ZNF438: variants seen among roughly 807,000 people sequenced by gnomAD.
The protein encoded by ZNF438 is zinc finger protein 438.
Under a neutral mutation model 38.0 loss-of-function variants are expected in ZNF438, and 25 were observed. The ratio of observed to expected loss-of-function variants is 0.66; its 90% CI spans 0.48 to 0.92. The LOEUF (loss-of-function observed/expected upper bound fraction) is 0.92. Ranked by LOEUF, ZNF438 falls within the 40% of genes least tolerant of loss-of-function variation. The probability of loss-of-function intolerance (pLI) is 0.00; values close to 1 mark genes in which losing one functional copy is unlikely to be tolerated. For missense variants in ZNF438, 1,007 were observed against 999.6 expected (o/e 1.01, Z -0.10); for synonymous variants, 372 against 364.1 (o/e 1.02, Z -0.25).
chr10:30,952,314 G>A (rs951156858), intron 1 of ZNF438, among the ~76,000 whole-genome samples: 1 of 149,802 alleles, frequency 6.7e-6, no homozygotes, highest in African/African-American at 2.4e-5. Context: ...GAAAACCTAG[G>A]CATTACCATT....
chr10:31,022,796 C>A (rs1360054355), intron 1 of ZNF438, among the ~76,000 whole-genome samples: 1 of 152,146 alleles, frequency 6.6e-6, no homozygotes, highest in East Asian at 1.9e-4. Context: ...TCTTGTCAAC[C>A]ACCACTTCTT....
intron 3 of ZNF438, 123 bp downstream of exon 4, chr10:30,908,810 C>G (rs1318789307): frequency 1.3e-5 from 2 of 152,178 alleles, no homozygotes; most frequent in Non-Finnish European, 2.9e-5. Context: ...TAAGAAACTT[C>G]TCTTACAAAA....
intron 2 of ZNF438, chr10:30,923,423 CATA>C (rs2044549586): frequency 6.6e-6 from 1 of 152,160 alleles, no homozygotes; most frequent in Admixed American, 6.5e-5. Context: ...CTTCTAAATG[CATA>C]ATTTTAGATT....
At chr10:30,887,348 C>A (rs985809787) in intron 3 of ZNF438, among the ~76,000 whole-genome samples, 3 of 152,168 alleles carry the variant, frequency 2.0e-5, no homozygotes, top group African/African-American at 4.8e-5. Flanking sequence ...GTATGCTGCG[C>A]CCCCTCCTCT....
chr10:30,957,927 G>C lies in ZNF438; in HGVS notation c.-191-16276C>G, dbSNP rs1384583222. On this transcript the variant is annotated intron_variant, in intron 1 of 5. Coordinates refer to ENST00000413025, the Ensembl canonical transcript of ZNF438. Reference sequence around the variant, plus strand: ...TTCTATTCCATTATGATTTGGTCTTGGTAGGCTGTATGACCTTTGACCTTC... The same window carrying C: ...TTCTATTCCATTATGATTTGGTCTTCGTAGGCTGTATGACCTTTGACCTTC... Among the ~76,000 whole-genome samples, 3 of 147,028 alleles carry C rather than the reference G, an allele frequency of 2.0e-5. 1 individual carries two copies. Among genetic ancestry groups the C allele is most frequent in the Non-Finnish European group, 4.6e-5 (3 of 64,884 alleles).
At chr10:30,990,848 G>C (rs2053409446) in intron 1 of ZNF438, among the ~76,000 whole-genome samples, 1 of 151,076 alleles carries the variant, frequency 6.6e-6, no homozygotes, top group African/African-American at 2.5e-5. Flanking sequence ...GATTAAGAGA[G>C]ATTGAAGATA....
At chr10:30,912,329 T>G (rs111376536) in intron 2 of ZNF438, among the ~76,000 whole-genome samples, 2,389 of 152,204 alleles carry the variant, frequency 0.016, 62 homozygotes, top group African/African-American at 0.054. Flanking sequence ...AAAACCACCA[T>G]TGTTCATTAT....
chr10:30,933,283 C>G (rs2045889474), intron 2 of ZNF438, among the ~76,000 whole-genome samples: 1 of 152,210 alleles, frequency 6.6e-6, no homozygotes, highest in Admixed American at 6.5e-5. Context: ...AGCCTCCCAT[C>G]TAATAGAGGC....
At chr10:30,899,293 T>C (rs538710869) in intron 3 of ZNF438, among the ~76,000 whole-genome samples, 1 of 152,194 alleles carries the variant, frequency 6.6e-6, no homozygotes, top group Non-Finnish European at 1.5e-5. Context: ...AAATAAAGAT[T>C]ATATAACTAA....
At chr10:30,936,243 C>A (rs540599135) in intron 2 of ZNF438, among the ~76,000 whole-genome samples, 5 of 152,304 alleles carry the variant, frequency 3.3e-5, no homozygotes, top group African/African-American at 1.2e-4. Flanking sequence ...ATGTAAAGAA[C>A]ATGGCACAAA....
At chr10:30,908,496 G>A (rs1333593302) in intron 3 of ZNF438, among the ~76,000 whole-genome samples, 1 of 152,126 alleles carries the variant, frequency 6.6e-6, no homozygotes, top group Non-Finnish European at 1.5e-5. Flanking sequence ...AATGGTAGGA[G>A]GTATGCACAG....
At chr10:30,938,858 G>A (rs911159888) in intron 2 of ZNF438, among the ~76,000 whole-genome samples, 2 of 151,836 alleles carry the variant, frequency 1.3e-5, no homozygotes, top group African/African-American at 2.4e-5. Context: ...GCAGTGGCAC[G>A]ATCTTGGCTC....
At chr10:30,865,643 A>G (rs928663605) in intron 4 of ZNF438, among the ~76,000 whole-genome samples, 1 of 152,208 alleles carries the variant, frequency 6.6e-6, no homozygotes, top group Admixed American at 6.5e-5. Context: ...ACTAAACTTG[A>G]TAATATATCA....
At chr10:30,849,281 A>C in exon 5 of ZNF438, 1 of 1,613,840 alleles carries the variant, frequency 6.2e-7, no homozygotes, top group Non-Finnish European at 8.5e-7. Context: ...TCCACTGTTC[A>C]GTTTTGTTTT....
At chr10:30,962,564 C>T (rs550293338) in intron 1 of ZNF438, among the ~76,000 whole-genome samples, 1 of 147,616 alleles carries the variant, frequency 6.8e-6, no homozygotes, top group East Asian at 1.9e-4. Flanking sequence ...TACCAATATA[C>T]ACTACGTAAT....
At chr10:30,971,609 T>A (rs561895959) in intron 1 of ZNF438, among the ~76,000 whole-genome samples, 2 of 152,290 alleles carry the variant, frequency 1.3e-5, no homozygotes, top group Non-Finnish European at 2.9e-5. Flanking sequence ...TTTCTTCAAT[T>A]CCATAGTTGA....
At chr10:31,017,749 T>G (rs2056307583) in intron 1 of ZNF438, among the ~76,000 whole-genome samples, 1 of 152,236 alleles carries the variant, frequency 6.6e-6, no homozygotes, top group Admixed American at 6.5e-5. Context: ...ACAGGCCATG[T>G]GACTTGAGAT....
At chr10:30,930,024 C>T (rs190863045) in intron 2 of ZNF438, among the ~76,000 whole-genome samples, 12 of 152,350 alleles carry the variant, frequency 7.9e-5, no homozygotes, top group South Asian at 4.1e-4. Context: ...TCGCCAGGGC[C>T]GCAGGTGGAG....
At chr10:30,961,253 A>T (rs868287856) in intron 1 of ZNF438, among the ~76,000 whole-genome samples, 26 of 110,418 alleles carry the variant, frequency 2.4e-4, no homozygotes, top group African/African-American at 7.5e-4. Context: ...AAAAAAAAAA[A>T]TTAAAAAAAA....
Sources: gnomAD v4.1 joint callset for allele counts (sites outside exome capture counted in the v4.1 genomes callset) on GRCh38, gnomAD v4.1.1 for gene constraint, MANE v1.5 for transcripts, NCBI Gene and HGNC (gene_info 2026-07-23, HGNC 2026-07-21) for gene names.